DIP2C: variants seen among roughly 807,000 people sequenced by gnomAD.
DIP2C encodes disco-interacting protein 2 homolog C.
In DIP2C, 33 loss-of-function variants were observed where a neutral mutation model predicts 192.4. That is an observed-to-expected ratio of 0.17 (90% CI 0.13 to 0.23). The LOEUF (loss-of-function observed/expected upper bound fraction) is 0.23, where lower values mean the gene tolerates loss of function less well. Among genes scored for constraint, DIP2C ranks in the 10% least tolerant of loss-of-function variants. DIP2C has a pLI of 1.00. For missense variants in DIP2C, 1,537 were observed against 2,110.1 expected (o/e 0.73, Z 5.32); for synonymous variants, 979 against 864.1 (o/e 1.13, Z -2.33).
At position 560,329 on chromosome 10, in the gene DIP2C, C is replaced by T. The variant is rs923401543; in HGVS notation, c.86-73799G>A. ...GTGAACACAAAGCTAAAGTGCTCAG[C>T]GGCTGGAAGACAAAAGCTGCACAAC... On this transcript the variant is annotated intron_variant, in intron 1 of 36. Coordinates refer to ENST00000280886, the MANE Select transcript of DIP2C (RefSeq NM_014974.3). 2.0e-4 allele frequency among the ~76,000 whole-genome samples: 31 copies of T among 151,782 alleles called. 1 individual carries two copies. Among genetic ancestry groups the T allele is most frequent in the Non-Finnish European group, 2.8e-4 (19 of 67,980 alleles).
intron 1 of DIP2C, among the ~76,000 whole-genome samples, chr10:492,135 C>A (rs1404970847): frequency 1.3e-5 from 2 of 152,224 alleles, no homozygotes; most frequent in Non-Finnish European, 2.9e-5. Context: ...CGCCGCGGGC[C>A]CCCGTGTCGG....
chr10:413,583 T>A (rs1373590117), intron 8 of DIP2C, among the ~76,000 whole-genome samples: 1 of 152,230 alleles, frequency 6.6e-6, no homozygotes, highest in Non-Finnish European at 1.5e-5. Context: ...TTCTTGAGAT[T>A]CCATTTATTT....
chr10:607,418 C>T (rs997760647), intron 1 of DIP2C, among the ~76,000 whole-genome samples: 1 of 152,212 alleles, frequency 6.6e-6, no homozygotes, highest in African/African-American at 2.4e-5. Context: ...CCCTCCAAGA[C>T]TTCCAAGTCC....
intron 1 of DIP2C, among the ~76,000 whole-genome samples, chr10:631,434 G>A (rs373177211): frequency 7.9e-5 from 12 of 152,312 alleles, no homozygotes; most frequent in South Asian, 6.2e-4. Context: ...ACATCCGTCC[G>A]CAGGGATGTC....
chr10:289,988 T>G (rs1955403947), intron 32 of DIP2C, among the ~76,000 whole-genome samples: 1 of 152,238 alleles, frequency 6.6e-6, no homozygotes, highest in Non-Finnish European at 1.5e-5. Flanking sequence ...CTGCTGTGTC[T>G]TCTCCGGTTG....
chr10:640,198 C>T (rs1855093603), intron 1 of DIP2C, among the ~76,000 whole-genome samples: 1 of 152,246 alleles, frequency 6.6e-6, no homozygotes, highest in Non-Finnish European at 1.5e-5. Context: ...AGTGCCTGAA[C>T]GTCCCCACGG....
intron 1 of DIP2C, among the ~76,000 whole-genome samples, chr10:645,636 C>T (rs1156958607): frequency 2.0e-5 from 3 of 152,120 alleles, no homozygotes; most frequent in Non-Finnish European, 4.4e-5. Context: ...AAAAAATACT[C>T]TTTTTAACAA....
Position 329,542 on chromosome 10 carries a change from G to A in DIP2C, c.3644C>T (p.Ala1215Val). The change falls in exon 30 of 37, where the codon GCC becomes GTC. Residue 1215 changes from alanine (A) to valine (V), a missense_variant. By Grantham distance (64) the Ala-to-Val change is moderately conservative. Coordinates refer to ENST00000280886, the MANE Select transcript of DIP2C (RefSeq NM_014974.3). ...IPPSELETNP[A>V]LWLLAVSQYK... ...CTGACTCACGGCAAGAAGCCACAAG[G>A]CGGGGTTGGTTTCCAGCTCAGAGGG... The A allele has an allele frequency of 6.2e-7, 1 of 1,614,204 alleles. No individual in the cohort carries two copies. Among genetic ancestry groups the A allele is most frequent in the Non-Finnish European group, 8.5e-7 (1 of 1,180,038 alleles).
At chr10:392,985 A>G (rs550962777) in intron 10 of DIP2C, among the ~76,000 whole-genome samples, 82 of 152,322 alleles carry the variant, frequency 5.4e-4, no homozygotes, top group African/African-American at 1.9e-3. Flanking sequence ...GCGGGTCCTC[A>G]GTGGGCCTCA....
intron 1 of DIP2C, among the ~76,000 whole-genome samples, chr10:556,742 A>G (rs1299500540): frequency 1.3e-5 from 2 of 152,010 alleles, no homozygotes; most frequent in Non-Finnish European, 2.9e-5. Flanking sequence ...CACCTACCAC[A>G]TTGAAAACAA....
At chr10:425,394 C>T (rs1424806702) in intron 4 of DIP2C, among the ~76,000 whole-genome samples, 2 of 145,930 alleles carry the variant, frequency 1.4e-5, no homozygotes, top group African/African-American at 5.2e-5. Context: ...CCAGCGGTGA[C>T]TAATATGACA....
At chr10:470,585 C>T (rs1028490855) in intron 3 of DIP2C, among the ~76,000 whole-genome samples, 1 of 152,206 alleles carries the variant, frequency 6.6e-6, no homozygotes, top group Non-Finnish European at 1.5e-5. Context: ...AACCACAACC[C>T]GCCATGCTTA....
At chr10:638,834 GGT>G (rs1564293054) in intron 1 of DIP2C, among the ~76,000 whole-genome samples, 4 of 152,238 alleles carry the variant, frequency 2.6e-5, no homozygotes, top group African/African-American at 9.6e-5. Context: ...AATGGAAAGA[GGT>G]GCCCGCGAAG....
chr10:493,748 A>G (rs1015622506), intron 1 of DIP2C, among the ~76,000 whole-genome samples: 5 of 152,216 alleles, frequency 3.3e-5, no homozygotes, highest in African/African-American at 1.2e-4. Flanking sequence ...ATCCACCTAC[A>G]AAGTCGGGGT....
intron 3 of DIP2C, among the ~76,000 whole-genome samples, chr10:463,474 C>T (rs1969954426): frequency 6.6e-6 from 1 of 152,238 alleles, no homozygotes; most frequent in South Asian, 2.1e-4. Flanking sequence ...AACTATAAAC[C>T]ACTGCTCAAG....
chr10:544,210 T>C (rs1253886685), intron 1 of DIP2C, among the ~76,000 whole-genome samples: 1 of 152,224 alleles, frequency 6.6e-6, no homozygotes, highest in Non-Finnish European at 1.5e-5. Flanking sequence ...GCACAGTGCT[T>C]GACCTTTGGT....
intron 32 of DIP2C, among the ~76,000 whole-genome samples, chr10:292,776 C>T (rs957175992): frequency 5.3e-5 from 8 of 152,200 alleles, no homozygotes; most frequent in Non-Finnish European, 1.0e-4. Context: ...CATGGTTGAA[C>T]TTCTCACTAA....
At chr10:333,224 C>T (rs565749343) in intron 29 of DIP2C, among the ~76,000 whole-genome samples, 16 of 152,100 alleles carry the variant, frequency 1.1e-4, no homozygotes, top group Non-Finnish European at 1.8e-4. Flanking sequence ...AAACACCCGT[C>T]GGCTTTATTT....
chr10:640,448 T>C lies in DIP2C; in HGVS notation c.85+49046A>G, dbSNP rs544848209. 1.5e-3 allele frequency among the ~76,000 whole-genome samples: 230 copies of C among 152,324 alleles called. 1 individual carries two copies. Among genetic ancestry groups the C allele is most frequent in the Non-Finnish European group, 2.9e-3 (196 of 68,014 alleles). On this transcript the variant is annotated intron_variant, in intron 1 of 36. Coordinates refer to ENST00000280886, the MANE Select transcript of DIP2C (RefSeq NM_014974.3). ...TGGGGAAGAGATGCCCAAGGCTCCC[T>C]TGCGCCCTGACAGCCTCGGACTCTG...
Sources: gnomAD v4.1 joint callset for allele counts (sites outside exome capture counted in the v4.1 genomes callset) on GRCh38, gnomAD v4.1.1 for gene constraint, MANE v1.5 for transcripts, NCBI Gene and HGNC (gene_info 2026-07-23, HGNC 2026-07-21) for gene names.